FOXP1: variants seen among roughly 807,000 people sequenced by gnomAD.
FOXP1 encodes the protein forkhead box P1.
FOXP1 carries 15 observed loss-of-function variants against 98.2 expected under a neutral mutation model. That is an observed-to-expected ratio of 0.15 (90% CI 0.10 to 0.24). FOXP1 has a LOEUF of 0.24. Among genes scored for constraint, FOXP1 ranks in the 10% least tolerant of loss-of-function variants. FOXP1 has a pLI of 1.00. For missense variants in FOXP1, 633 were observed against 848.5 expected (o/e 0.75, Z 3.15); for synonymous variants, 371 against 314.5 (o/e 1.18, Z -1.90).
At chr3:71,537,922 T>C (rs1431164922) in intron 2 of FOXP1, among the ~76,000 whole-genome samples, 1 of 152,214 alleles carries the variant, frequency 6.6e-6, no homozygotes, top group Non-Finnish European at 1.5e-5. Flanking sequence ...AATTTCGGTA[T>C]TCATAAATAA....
intron 4 of FOXP1, among the ~76,000 whole-genome samples, chr3:71,319,425 A>G (rs147850228): frequency 1.2e-3 from 188 of 152,330 alleles, no homozygotes; most frequent in African/African-American, 4.4e-3. Flanking sequence ...TATGCTAACT[A>G]TGAATTCAGA....
At chr3:71,181,643 G>T (rs913758928) in intron 6 of FOXP1, among the ~76,000 whole-genome samples, 3 of 152,160 alleles carry the variant, frequency 2.0e-5, no homozygotes, top group African/African-American at 7.2e-5. Flanking sequence ...GGTAAGCAAC[G>T]AAGTGTATCT....
intron 10 of FOXP1, among the ~76,000 whole-genome samples, chr3:71,044,118 T>C (rs2048712044): frequency 6.6e-6 from 1 of 152,214 alleles, no homozygotes; most frequent in African/African-American, 2.4e-5. Context: ...GAGCGCTACC[T>C]ACCAAAGGGT....
chr3:71,354,779 T>C (rs558130628), intron 4 of FOXP1, among the ~76,000 whole-genome samples: 1 of 152,316 alleles, frequency 6.6e-6, no homozygotes, highest in African/African-American at 2.4e-5. Context: ...TTCCAGACGT[T>C]GTGCAAAGTG....
chr3:70,986,171 G>A (rs1474495236), intron 14 of FOXP1, among the ~76,000 whole-genome samples: 2 of 152,018 alleles, frequency 1.3e-5, no homozygotes, highest in Non-Finnish European at 2.9e-5. Context: ...TTCCCCCCAT[G>A]CTTTTCCCTG....
At chr3:71,266,410 T>C (rs1481369447) in intron 5 of FOXP1, among the ~76,000 whole-genome samples, 1 of 151,778 alleles carries the variant, frequency 6.6e-6, no homozygotes, top group African/African-American at 2.4e-5. Context: ...CCACCATGCA[T>C]GACTAATTTT....
chr3:70,985,653 T>C (rs1362931313), intron 14 of FOXP1, among the ~76,000 whole-genome samples: 2 of 152,152 alleles, frequency 1.3e-5, no homozygotes, highest in African/African-American at 4.8e-5. Context: ...TAATGCTGCC[T>C]GTGAAGGGAA....
intron 2 of FOXP1, among the ~76,000 whole-genome samples, chr3:71,526,418 TAC>T (rs1271590292): frequency 1.3e-5 from 2 of 152,152 alleles, no homozygotes; most frequent in South Asian, 2.1e-4. Flanking sequence ...TGCTGAAAGG[TAC>T]AGTCAGTAAT....
intron 7 of FOXP1, 132 bp from the exon 8 acceptor site, chr3:71,053,905 AG>A (rs2050253131): frequency 2.2e-6 from 2 of 901,190 alleles, no homozygotes; most frequent in African/African-American, 3.3e-5. Flanking sequence ...ATTTATCCAG[AG>A]GGGATGCAGC....
intron 5 of FOXP1, among the ~76,000 whole-genome samples, chr3:71,238,041 G>C (rs1219422553): frequency 1.3e-5 from 2 of 152,112 alleles, no homozygotes; most frequent in Admixed American, 1.3e-4. Context: ...AAAATATAAG[G>C]TAACTACGAA....
rs527625346 is a variant in FOXP1, at chr3:70,978,731, T to TATATCA, written c.1147-703_1147-702insTGATAT. Reference sequence around the variant, plus strand: ...GACCCCACCAGCTGTCATTTGTTTCTATCAATCAATCAATCAGTTGGCAGA... The same window carrying TATATCA: ...GACCCCACCAGCTGTCATTTGTTTCTATATCAATCAATCAATCAATCAGTTGGCAGA... On this transcript the variant is annotated intron_variant, in intron 14 of 20. Transcript: ENST00000649528. Among the ~76,000 whole-genome samples the TATATCA allele has an allele frequency of 5.9e-3, 894 of 152,200 alleles. 10 individuals are homozygous for TATATCA. Among genetic ancestry groups the TATATCA allele is most frequent in the African/African-American group, 0.02 (841 of 41,516 alleles).
At chr3:71,366,482 A>G (rs942293851) in intron 3 of FOXP1, among the ~76,000 whole-genome samples, 1 of 152,218 alleles carries the variant, frequency 6.6e-6, no homozygotes, top group African/African-American at 2.4e-5. Context: ...ATATGTGTCA[A>G]TGAAGAACAG....
intron 3 of FOXP1, among the ~76,000 whole-genome samples, chr3:71,490,951 G>A (rs1358435667): frequency 1.3e-5 from 2 of 152,146 alleles, no homozygotes; most frequent in Non-Finnish European, 2.9e-5. Flanking sequence ...ATTCTCATGT[G>A]TATATGAAAC....
chr3:71,005,503 AT>A (rs1245955385), intron 12 of FOXP1, among the ~76,000 whole-genome samples: 4 of 152,014 alleles, frequency 2.6e-5, no homozygotes, highest in African/African-American at 9.7e-5. Flanking sequence ...GGATTAATAT[AT>A]TATTTGGGGG....
At chr3:71,175,819 G>A (rs2061908962) in intron 6 of FOXP1, among the ~76,000 whole-genome samples, 1 of 152,180 alleles carries the variant, frequency 6.6e-6, no homozygotes, top group Non-Finnish European at 1.5e-5. Flanking sequence ...TCGTTTGTGA[G>A]TACTATCTTT....
Position 70,987,843 on chromosome 3 carries a change from A to G in FOXP1, c.1146+151T>C, listed in dbSNP as rs6802472. 0.35 allele frequency: 248,129 copies of G among 708,862 alleles called. 61,661 individuals are homozygous for G. The highest frequency in any genetic ancestry group is 0.91 in the East Asian group (36,636 of 40,330). 43.9% of individuals were successfully genotyped at this position (708,862 alleles called of 1,614,324 possible). A position where few individuals can be genotyped will look rare whatever the true frequency, so the allele number is the denominator to read the frequency against. On this transcript the variant is annotated intron_variant, in intron 14 of 20. Coordinates refer to ENST00000649528, the MANE Select transcript of FOXP1 (RefSeq NM_001349338.3). ...TAGCATATGACCTTCATCATAAAGG[A>G]TAACCAGAAACAGTCGCATGAATCT...
At chr3:71,429,406 A>C (rs955398031) in intron 3 of FOXP1, among the ~76,000 whole-genome samples, 3 of 146,762 alleles carry the variant, frequency 2.0e-5, no homozygotes, top group African/African-American at 7.5e-5. Context: ...CATTTCAGGA[A>C]TCAAAGGCCT....
chr3:71,228,501 G>A (rs1490391302), intron 5 of FOXP1, among the ~76,000 whole-genome samples: 4 of 151,914 alleles, frequency 2.6e-5, no homozygotes, highest in Non-Finnish European at 4.4e-5. Flanking sequence ...CTCTTTTTTC[G>A]TTAAATACAG....
intron 11 of FOXP1, among the ~76,000 whole-genome samples, chr3:71,018,292 C>T (rs568238166): frequency 6.6e-6 from 1 of 152,292 alleles, no homozygotes; most frequent in South Asian, 2.1e-4. Flanking sequence ...CACACTAGGG[C>T]CTTAGAACGC....
Sources: gnomAD v4.1 joint callset for allele counts (sites outside exome capture counted in the v4.1 genomes callset) on GRCh38, gnomAD v4.1.1 for gene constraint, MANE v1.5 for transcripts, NCBI Gene and HGNC (gene_info 2026-07-23, HGNC 2026-07-21) for gene names.